Variants in LPGAT1 observed in about 807,000 individuals in gnomAD.
LPGAT1 encodes lysophosphatidylglycerol acyltransferase 1, also known as acyl-CoA:lysophosphatidylglycerol acyltransferase 1.
In LPGAT1, 11 loss-of-function variants were observed where a neutral mutation model predicts 47.5. The ratio of observed to expected loss-of-function variants is 0.23; its 90% confidence interval spans 0.15 to 0.38. The LOEUF (loss-of-function observed/expected upper bound fraction) is 0.38. LPGAT1 is among the 10% of genes least tolerant of loss of function. The pLI is 1.00. For synonymous variants in LPGAT1, 138 were observed against 144.2 expected (o/e 0.96, Z 0.31); for missense variants, 293 against 439.0 (o/e 0.67, Z 2.97).
In LPGAT1 at chr1:211,816,385, C is replaced by T. The variant is rs1376531369; in HGVS notation, c.238+12674G>A. Reference sequence around the variant, plus strand: ...CACAATATCTGACACAGAGAAGGCACTCAAATTTTTGCATTAGAATAGGTG... The same window carrying T: ...CACAATATCTGACACAGAGAAGGCATTCAAATTTTTGCATTAGAATAGGTG... On this transcript the variant is annotated intron_variant, in intron 2 of 7. Transcript: ENST00000366997. Among the ~76,000 whole-genome samples the T allele has an allele frequency of 2.0e-5, 3 of 152,170 alleles. No homozygotes were observed. The East Asian group carries it at 5.8e-4, about 29-fold the overall frequency.
intron 6 of LPGAT1, among the ~76,000 whole-genome samples, chr1:211,759,054 T>C (rs1657580898): frequency 6.6e-6 from 1 of 152,244 alleles, no homozygotes. Flanking sequence ...ATGCTGTCAC[T>C]ATATAACATT....
At position 211,830,334 on chromosome 1, in the gene LPGAT1, C is replaced by A. The variant is rs1020861934; in HGVS notation, c.-28+239G>T. The A allele has an allele frequency of 6.1e-5, 69 of 1,130,204 alleles. No homozygotes were observed. In the African/African-American group the frequency reaches 1.0e-3, roughly 17 times the overall value. The allele number at this position is 1,130,204 out of a possible 1,614,324, so 70.0% of individuals were successfully genotyped here. Reference sequence around the variant, plus strand: ...GCCCTACTCCCCTCGCGGCTGCCTGCGGACAGAGGGACGGCGGGGACTCAG... The same window carrying A: ...GCCCTACTCCCCTCGCGGCTGCCTGAGGACAGAGGGACGGCGGGGACTCAG... On this transcript the variant is annotated intron_variant, in intron 1 of 7. Coordinates refer to ENST00000366997, the MANE Select transcript of LPGAT1 (RefSeq NM_014873.3). This position sits in a 1 kb window ranked among gnomAD's most constrained non-coding sequence, Gnocchi z 5.9.
intron 6 of LPGAT1, among the ~76,000 whole-genome samples, chr1:211,776,015 A>G (rs1055603664): frequency 6.6e-6 from 1 of 150,844 alleles, no homozygotes; most frequent in Non-Finnish European, 1.5e-5. Context: ...CTGCCTTTTA[A>G]GTGGTACTAA....
chr1:211,781,648 A>C (rs1041888815), intron 5 of LPGAT1, among the ~76,000 whole-genome samples: 1 of 152,260 alleles, frequency 6.6e-6, no homozygotes, highest in African/African-American at 2.4e-5. Context: ...ATTGCCACTT[A>C]AAAACACATT....
rs1035000935 is a variant in LPGAT1, at chr1:211,747,293, A to G, written c.*2606T>C. The G allele has an allele frequency of 2.0e-5, 3 of 152,176 alleles. No individual in the cohort carries two copies. The highest frequency in any genetic ancestry group is 4.4e-5 in the Non-Finnish European group (3 of 68,018). 9.4% of individuals were successfully genotyped at this position (152,176 alleles called of 1,614,324 possible). A position where few individuals can be genotyped will look rare whatever the true frequency, so the allele number is the denominator to read the frequency against. ...ATATTTTGCAAACAGAAGAGAGAGA[A>G]CATGTTAAAGAATCAAAGAAGGATA... On this transcript the variant is annotated 3_prime_UTR_variant, in exon 8 of 8. Coordinates refer to ENST00000366997, the MANE Select transcript of LPGAT1 (RefSeq NM_014873.3).
intron 2 of LPGAT1, among the ~76,000 whole-genome samples, chr1:211,803,928 T>A (rs2102574806): frequency 6.6e-6 from 1 of 152,142 alleles, no homozygotes. Flanking sequence ...ACAGCTAATT[T>A]CTGTATTTTT....
At chr1:211,778,095 C>G (rs1658482091) in intron 6 of LPGAT1, among the ~76,000 whole-genome samples, 1 of 152,120 alleles carries the variant, frequency 6.6e-6, no homozygotes, top group South Asian at 2.1e-4. Flanking sequence ...GTAATCCCAG[C>G]ACTTTGGGAG....
intron 6 of LPGAT1, among the ~76,000 whole-genome samples, chr1:211,768,209 G>A (rs1217728486): frequency 2.0e-5 from 3 of 152,232 alleles, no homozygotes; most frequent in South Asian, 2.1e-4. Flanking sequence ...CTTATTAAAT[G>A]GTATGCATTT....
chr1:211,812,255 A>G (rs1034598406), intron 2 of LPGAT1, among the ~76,000 whole-genome samples: 6 of 152,258 alleles, frequency 3.9e-5, no homozygotes, highest in Admixed American at 3.9e-4. Context: ...ATCAAAGGAT[A>G]AAAAGTTTCT....
intron 4 of LPGAT1, among the ~76,000 whole-genome samples, chr1:211,786,479 A>AT (rs1658882942): frequency 6.6e-6 from 1 of 152,252 alleles, no homozygotes; most frequent in South Asian, 2.1e-4. Context: ...TACATACCAT[A>AT]TTTCAGTTAT....
rs1357688960 is a variant in LPGAT1, at chr1:211,779,007, T to C, written c.765A>G (p.Thr255=). The C allele has an allele frequency of 2.5e-6, 4 of 1,607,428 alleles. No individual in the cohort carries two copies. Among genetic ancestry groups the C allele is most frequent in the Non-Finnish European group, 3.4e-6 (4 of 1,178,082 alleles). ...KSKGLQWIID[T]TIAYPKAEPI... is the part of the protein sequence containing the mutation. ...GTTCAGCTTTGGGATAAGCTATCGT[T>C]GTATCTATTATCCACTGGAGGCCTT... The change falls in exon 6 of 8, where the codon ACA becomes ACG. Residue 255 remains threonine (T), a synonymous_variant. Coordinates refer to ENST00000366997, the MANE Select transcript of LPGAT1 (RefSeq NM_014873.3).
At chr1:211,807,849 C>G (rs577447000) in intron 2 of LPGAT1, among the ~76,000 whole-genome samples, 3 of 151,982 alleles carry the variant, frequency 2.0e-5, no homozygotes, top group African/African-American at 7.2e-5. Flanking sequence ...TTAGACATGA[C>G]ATGAAAAACA....
intron 2 of LPGAT1, among the ~76,000 whole-genome samples, chr1:211,799,539 G>A (rs952526470): frequency 2.0e-5 from 3 of 152,178 alleles, no homozygotes; most frequent in Non-Finnish European, 4.4e-5. Context: ...CATGCTTCAT[G>A]TCAAAGAACC....
rs191796668 is a variant in LPGAT1 at position 211,783,607 on chromosome 1, T to C, written c.454-105A>G. The C allele has an allele frequency of 1.9e-5, 21 of 1,077,046 alleles. No individual in the cohort carries two copies. In the Admixed American group the frequency reaches 5.2e-4, roughly 27 times the overall value. 66.7% of individuals were successfully genotyped at this position (1,077,046 alleles called of 1,614,324 possible). Reference sequence around the variant, plus strand: ...TCTAAATTAAAATCCAATCACAGAATAGAATAGTGATTCCCCCACCCCACC... The same window carrying C: ...TCTAAATTAAAATCCAATCACAGAACAGAATAGTGATTCCCCCACCCCACC... On this transcript the variant is annotated intron_variant, in intron 4 of 7. Coordinates refer to ENST00000366997, the MANE Select transcript of LPGAT1 (RefSeq NM_014873.3).
Position 211,745,338 on chromosome 1 carries a change from C to T in LPGAT1, c.*4561G>A, listed in dbSNP as rs903096964. 1.3e-5 allele frequency: 2 copies of T among 152,124 alleles called. No homozygotes were observed. Among genetic ancestry groups the T allele is most frequent in the Non-Finnish European group, 2.9e-5 (2 of 68,036 alleles). 9.4% of individuals were successfully genotyped at this position (152,124 alleles called of 1,614,324 possible). On this transcript the variant is annotated 3_prime_UTR_variant, in exon 8 of 8. Transcript: ENST00000366997. ...AATAACTGTAAAGAAAATGAAAGCA[C>T]TTAATAAAAATAATGGCAGTTGAAA...
chr1:211,747,675 T>C lies in LPGAT1; in HGVS notation c.*2224A>G, dbSNP rs1656996912. The C allele has an allele frequency of 6.6e-6, 1 of 152,204 alleles. No homozygotes were observed. Among genetic ancestry groups the C allele is most frequent in the Non-Finnish European group, 1.5e-5 (1 of 68,022 alleles). 9.4% of individuals were successfully genotyped at this position (152,204 alleles called of 1,614,324 possible). On this transcript the variant is annotated 3_prime_UTR_variant, in exon 8 of 8. Transcript: ENST00000366997. ...AGTGAGCAACTTCTCCCCCAGATGG[T>C]TGACTAATCCCTCAAGTGAACAATT...
At chr1:211,784,001 T>C (rs1434962985) in intron 4 of LPGAT1, among the ~76,000 whole-genome samples, 1 of 152,134 alleles carries the variant, frequency 6.6e-6, no homozygotes, top group Admixed American at 6.5e-5. Flanking sequence ...GAACTGATAA[T>C]GTGAGGGAAT....
intron 6 of LPGAT1, among the ~76,000 whole-genome samples, chr1:211,763,764 C>A (rs1039894939): frequency 6.6e-6 from 1 of 152,134 alleles, no homozygotes; most frequent in African/African-American, 2.4e-5. Flanking sequence ...TCCAGATTAT[C>A]CTATTTAAAA....
At chr1:211,771,649 G>A (rs548388699) in intron 6 of LPGAT1, among the ~76,000 whole-genome samples, 5 of 151,898 alleles carry the variant, frequency 3.3e-5, no homozygotes, top group South Asian at 2.1e-4. Context: ...GATTACAGGC[G>A]CTCACCACCA....
Sources: allele counts gnomAD v4.1 joint callset (sites outside exome capture counted in the v4.1 genomes callset), GRCh38; gene constraint gnomAD v4.1.1; non-coding constraint Gnocchi (gnomAD v3.1); transcripts MANE v1.5; gene names NCBI Gene and HGNC (gene_info 2026-07-23, HGNC 2026-07-21).